Variants in KIF27 observed in about 807,000 individuals in gnomAD.
KIF27 encodes the protein kinesin-like protein KIF27.
Under a neutral mutation model 141.8 loss-of-function variants are expected in KIF27, and 84 were observed. That is an observed-to-expected ratio of 0.59 (90% CI 0.50 to 0.71). KIF27 has a LOEUF of 0.71. Among genes scored for constraint, KIF27 ranks in the 30% least tolerant of loss-of-function variants. The probability of loss-of-function intolerance (pLI) is 0.00; values close to 1 mark genes in which losing one functional copy is unlikely to be tolerated. For synonymous variants in KIF27, 471 were observed against 569.5 expected, an observed-to-expected ratio of 0.83 and a Z score of 2.46; for missense variants, 1,306 against 1,628.4, an observed-to-expected ratio of 0.80 and a Z score of 3.41.
At chr9:83,870,402 G>A in intron 12 of KIF27, 117 bp downstream of exon 12, 4 of 1,438,288 alleles carry the variant, frequency 2.8e-6, no homozygotes, top group Non-Finnish European at 3.8e-6. Context: ...CCTGACCGCA[G>A]GTGATCCACC....
chr9:83,886,891 C>T, intron 9 of KIF27, 150 bp downstream of exon 9: 1 of 747,038 alleles, frequency 1.3e-6, no homozygotes, highest in Non-Finnish European at 1.9e-6. Context: ...AACTAACCTC[C>T]ACATATTGGC....
chr9:83,910,480 T>TCA (rs1465307356), intron 2 of KIF27, among the ~76,000 whole-genome samples: 1 of 152,216 alleles, frequency 6.6e-6, no homozygotes, highest in Non-Finnish European at 1.5e-5. Flanking sequence ...TCATATTTCT[T>TCA]CACGTCACCA....
intron 3 of KIF27, among the ~76,000 whole-genome samples, chr9:83,906,339 T>A (rs182904943): frequency 2.0e-5 from 3 of 152,326 alleles, no homozygotes; most frequent in Admixed American, 6.5e-5. Flanking sequence ...GCTATTTGAA[T>A]GACTAAAGCC....
intron 3 of KIF27, 137 bp downstream of exon 3, chr9:83,908,315 T>C (rs1954779916): frequency 1.9e-6 from 1 of 521,612 alleles, no homozygotes; most frequent in Non-Finnish European, 3.3e-6. Context: ...AGCTGTTCAA[T>C]TTAAAAGTAA....
At chr9:83,849,858 T>TA (rs1948333316) in intron 16 of KIF27, among the ~76,000 whole-genome samples, 1 of 152,194 alleles carries the variant, frequency 6.6e-6, no homozygotes, top group East Asian at 1.9e-4. Context: ...GACAGGATTG[T>TA]AGCAGTTCTT....
chr9:83,837,069 C>T lies in KIF27; in HGVS notation c.4138G>A (p.Val1380Ile), dbSNP rs142462766. The T allele has an allele frequency of 4.3e-4, 698 of 1,614,014 alleles. 2 individuals carry two copies. The Middle Eastern group carries it at 6.1e-3, about 14-fold the overall frequency. ...TCAGCAGCCATTGATCCAATGCCAACTCCAAGACTGGAACGTCGCAATGAT... is the reference window on the plus strand; with the variant it reads ...TCAGCAGCCATTGATCCAATGCCAATTCCAAGACTGGAACGTCGCAATGAT... The part of the protein sequence containing the change: ...ELSLRRSSLG[V>I]GIGSMAADSI... The change falls in exon 18 of 18, where the codon GTT becomes ATT. Residue 1380 changes from valine to isoleucine, a missense_variant. Physicochemically the swap from Val to Ile is conservative, Grantham distance 29. This residue lies in a region of KIF27 where 148 missense variants were observed against 250.9 expected (regional missense o/e 0.59). Transcript: ENST00000297814.
Position 83,891,364 on chromosome 9 carries a change from T to G in KIF27, c.1740A>C (p.Pro580=), listed in dbSNP as rs374182999. ...AATGAGTATCAAATGGTACAGTATA[T>G]GGTCTCCTTTCAGGGATCCTGGCAT... ...GPDARIPERR[P]YTVPFDTHLG... Residue 580 remains proline, a synonymous_variant, in exon 6 of 18, where the codon CCA becomes CCC. Coordinates refer to ENST00000297814, the MANE Select transcript of KIF27 (RefSeq NM_017576.4). 41 of 1,613,550 alleles carry G rather than the reference T, an allele frequency of 2.5e-5. No homozygotes were observed. The highest frequency in any genetic ancestry group is 3.3e-5 in the Non-Finnish European group (39 of 1,179,636).
intron 12 of KIF27, 148 bp downstream of exon 12, chr9:83,870,371 T>C: frequency 8.9e-7 from 1 of 1,122,664 alleles, no homozygotes; most frequent in Non-Finnish European, 1.2e-6. Context: ...TTTACCATGT[T>C]GACCAGGCTG....
In KIF27 at chr9:83,891,352, T is replaced by C. The variant is rs1952658959; in HGVS notation, c.1752A>G (p.Pro584=). 14 of 1,613,752 alleles carry C rather than the reference T, an allele frequency of 8.7e-6. No individual in the cohort carries two copies. The highest frequency in any genetic ancestry group is 1.2e-5 in the Non-Finnish European group (14 of 1,179,734). ...TATAATGCCCCAAATGAGTATCAAA[T>C]GGTACAGTATATGGTCTCCTTTCAG... ...RIPERRPYTV[P]FDTHLGHYIY... is the part of the protein sequence containing the mutation. The change falls in exon 6 of 18, where the codon CCA becomes CCG. Residue 584 remains proline, a synonymous_variant. Transcript: ENST00000297814.
At position 83,859,224 on chromosome 9, in the gene KIF27, C is replaced by T. The variant is rs1265813464; in HGVS notation, c.3082G>A (p.Asp1028Asn). 1.9e-6 allele frequency: 3 copies of T among 1,614,038 alleles called. No individual in the cohort carries two copies. Among genetic ancestry groups the T allele is most frequent in the African/African-American group, 2.7e-5 (2 of 74,930 alleles). ...TTGTGTCTGCGTTTCTGGAGCTGAT[C>T]CTTTTCTTTCTGGAGGACTTCAACT... ...EQVEVLQKEK[D>N]QLQKRRHNVD... Residue 1028 changes from aspartate (D) to asparagine (N), a missense_variant, in exon 14 of 18, where the codon GAT becomes AAT. Around this residue, in one of 4 missense-constraint regions of KIF27, gnomAD observed 596 missense variants for 751.6 expected, o/e 0.79. Transcript: ENST00000297814.
intron 8 of KIF27, among the ~76,000 whole-genome samples, chr9:83,887,459 T>C (rs528689133): frequency 2.0e-5 from 3 of 152,324 alleles, no homozygotes; most frequent in African/African-American, 7.2e-5. Context: ...GACACACAGT[T>C]TTTCATTGCC....
chr9:83,902,444 T>A (rs1285692753), intron 4 of KIF27, among the ~76,000 whole-genome samples: 1 of 152,166 alleles, frequency 6.6e-6, no homozygotes, highest in South Asian at 2.1e-4. Flanking sequence ...CAATAAACAG[T>A]TTCTGAATGA....
chr9:83,850,024 C>G (rs1948357676), intron 16 of KIF27, 75 bp downstream of exon 16: 1 of 1,311,754 alleles, frequency 7.6e-7, no homozygotes, highest in East Asian at 2.3e-5. Flanking sequence ...TTTAAGTGAT[C>G]AAATTCTGTC....
At chr9:83,857,819 C>T (rs1440568571) in intron 14 of KIF27, among the ~76,000 whole-genome samples, 3 of 152,104 alleles carry the variant, frequency 2.0e-5, no homozygotes, top group Non-Finnish European at 4.4e-5. Context: ...CACTTCATTG[C>T]TTTGAATAAA....
At chr9:83,897,000 T>C (rs1953327441) in intron 5 of KIF27, among the ~76,000 whole-genome samples, 1 of 152,148 alleles carries the variant, frequency 6.6e-6, no homozygotes, top group Non-Finnish European at 1.5e-5. Flanking sequence ...TAAAATTAGA[T>C]GGTGTGATGG....
rs571071031 is a variant in KIF27, at chr9:83,852,912, T to G, written c.3357+717A>C. ...GAGCCACTGCACCTGGCCTTAGGACTTTATTTTAAAATATCAGTGTTTTAT... is the reference window on the plus strand; with the variant it reads ...GAGCCACTGCACCTGGCCTTAGGACGTTATTTTAAAATATCAGTGTTTTAT... On this transcript the variant is annotated intron_variant, in intron 15 of 17. Transcript: ENST00000297814. 8.8e-3 allele frequency among the ~76,000 whole-genome samples: 1,346 copies of G among 152,348 alleles called. 21 individuals are homozygous for G. Among genetic ancestry groups the G allele is most frequent in the African/African-American group, 0.03 (1,256 of 41,578 alleles).
Position 83,903,056 on chromosome 9 carries a change from G to A in KIF27, c.1458+4C>T, listed in dbSNP as rs1419137671. 8 of 1,565,346 alleles carry A rather than the reference G, an allele frequency of 5.1e-6. No homozygotes were observed. Among genetic ancestry groups the A allele is most frequent in the Non-Finnish European group, 6.1e-6 (7 of 1,141,958 alleles). ...AAATAAATAAATAAGTGATGTCTAA[G>A]TACCTGGCATTTCTTAAGCTCTCTC... On this transcript the variant is annotated splice_donor_region_variant and intron_variant, in intron 4 of 17. Coordinates refer to ENST00000297814, the MANE Select transcript of KIF27 (RefSeq NM_017576.4).
At chr9:83,872,994 G>C (rs767525148) in intron 11 of KIF27, among the ~76,000 whole-genome samples, 2 of 152,206 alleles carry the variant, frequency 1.3e-5, no homozygotes, top group Non-Finnish European at 2.9e-5. Flanking sequence ...TGGATCCTGA[G>C]TTGAGAGCTA....
intron 13 of KIF27, among the ~76,000 whole-genome samples, chr9:83,864,271 G>A (rs996740561): frequency 2.0e-5 from 3 of 152,182 alleles, no homozygotes; most frequent in Admixed American, 6.5e-5. Context: ...ATGTTAGGCT[G>A]TTAATTTTAG....
Sources: gnomAD v4.1 joint callset for allele counts (sites outside exome capture counted in the v4.1 genomes callset) on GRCh38, gnomAD v4.1.1 for gene constraint, gnomAD v4.1.1 regional missense constraint, MANE v1.5 for transcripts, NCBI Gene and HGNC (gene_info 2026-07-23, HGNC 2026-07-21) for gene names.